Variants in ZZEF1 observed in about 807,000 individuals in gnomAD.
ZZEF1 encodes the protein zinc finger ZZ-type and EF-hand domain-containing protein 1.
ZZEF1 carries 157 observed loss-of-function variants against 342.8 expected under a neutral mutation model. That is an observed-to-expected ratio of 0.46 (90% CI 0.40 to 0.52). The LOEUF is 0.52. ZZEF1 is among the 20% of genes least tolerant of loss of function. The pLI, the probability that ZZEF1 is intolerant of heterozygous loss-of-function variation, is 0.00. For missense variants in ZZEF1, 3,480 were observed against 3,725.6 expected (o/e 0.93, Z 1.72); for synonymous variants, 1,505 against 1,429.1 (o/e 1.05, Z -1.20).
Position 4,142,932 on chromosome 17 carries a change from C to G in ZZEF1, c.-37G>C. 7.7e-7 allele frequency: 1 copy of G among 1,300,800 alleles called. No individual in the cohort carries two copies. Among genetic ancestry groups the G allele is most frequent in the East Asian group, 3.1e-5 (1 of 31,796 alleles). 80.6% of individuals were successfully genotyped at this position (1,300,800 alleles called of 1,614,324 possible). On this transcript the variant is annotated 5_prime_UTR_variant, in exon 1 of 55. Coordinates refer to ENST00000381638, the MANE Select transcript of ZZEF1 (RefSeq NM_015113.4). ...CTTGGGCGCCTGGCTCTGCAGCCGC[C>G]GCCGCCGCCTCCCCGCCTCGACCTG...
At chr17:4,079,165 G>C (rs766339038) in intron 18 of ZZEF1, among the ~76,000 whole-genome samples, 1 of 152,224 alleles carries the variant, frequency 6.6e-6, no homozygotes, top group Non-Finnish European at 1.5e-5. Context: ...CTAGCAGAAA[G>C]AGGACAAGGC....
chr17:4,059,750 T>C (rs533419186), intron 30 of ZZEF1, among the ~76,000 whole-genome samples: 104 of 152,318 alleles, frequency 6.8e-4, no homozygotes, highest in Non-Finnish European at 1.2e-3. Context: ...CATTCCTTTT[T>C]CCCTCAATTC....
intron 41 of ZZEF1, 99 bp downstream of exon 41, chr17:4,032,729 G>C: frequency 1.6e-6 from 2 of 1,275,094 alleles, no homozygotes; most frequent in Non-Finnish European, 1.1e-6. Context: ...AGCTTCCAAA[G>C]AGATCTATGC....
chr17:4,092,083 A>AAT (rs1422364865), intron 11 of ZZEF1, among the ~76,000 whole-genome samples: 2 of 41,354 alleles, frequency 4.8e-5, no homozygotes, highest in Non-Finnish European at 6.0e-5. Context: ...CCTCAAAAAA[A>AAT]AAAAAAATAA....
chr17:4,061,629 C>T (rs2057288603), intron 30 of ZZEF1, among the ~76,000 whole-genome samples: 1 of 152,168 alleles, frequency 6.6e-6, no homozygotes, highest in South Asian at 2.1e-4. Flanking sequence ...TCACCCCCAT[C>T]TGTTTCTTCC....
Position 4,109,821 on chromosome 17 carries a change from TCGCAGCCATCG to T in ZZEF1, c.1098_1108del (p.Ser366ArgfsTer3). On this transcript the variant is annotated frameshift_variant, in exon 6 of 55. Coordinates refer to ENST00000381638, the MANE Select transcript of ZZEF1 (RefSeq NM_015113.4). LOFTEE classifies it high-confidence loss of function. ...AGCCCTGAGACCATGAATTCTAGTG[TCGCAGCCATCG>T]CTAAGACAACGCTTTATGTTAATCT... 1 of 1,614,192 alleles carries T rather than the reference TCGCAGCCATCG, an allele frequency of 6.2e-7. No individual in the cohort carries two copies. The highest frequency in any genetic ancestry group is 1.3e-5 in the African/African-American group (1 of 75,044).
chr17:4,059,508 A>G (rs1198443187), intron 30 of ZZEF1, among the ~76,000 whole-genome samples: 2 of 152,192 alleles, frequency 1.3e-5, no homozygotes, highest in Non-Finnish European at 2.9e-5. Context: ...AGAAGCATGG[A>G]GATGAGATTA....
In ZZEF1 at chr17:4,062,875, G is replaced by A. The variant is rs2057314037; in HGVS notation, c.4761C>T (p.Ser1587=). The A allele has an allele frequency of 6.2e-7, 1 of 1,613,020 alleles. No homozygotes were observed. The highest frequency in any genetic ancestry group is 8.5e-7 in the Non-Finnish European group (1 of 1,179,730). The change falls in exon 30 of 55, where the codon AGC becomes AGT. Residue 1587 remains serine, a synonymous_variant. Coordinates refer to ENST00000381638, the MANE Select transcript of ZZEF1 (RefSeq NM_015113.4). ...VLSLRKAQAQ[S]ILEVLKITQH... is the part of the protein sequence containing the mutation. The stretch of plus-strand genomic sequence containing the variant: ...GAGTTATCTTCAGGACTTCCAGGAT[G>A]CTCTGGGCCTGGGCTTTCCTCAGGG...
intron 37 of ZZEF1, among the ~76,000 whole-genome samples, chr17:4,049,371 G>C (rs2145152504): frequency 6.6e-6 from 1 of 152,120 alleles, no homozygotes; most frequent in East Asian, 1.9e-4. Flanking sequence ...AATTAGCCAG[G>C]CATGGTAGCA....
At chr17:4,032,038 A>C in intron 42 of ZZEF1, 88 bp downstream of exon 42, 2 of 1,429,712 alleles carry the variant, frequency 1.4e-6, no homozygotes, top group Non-Finnish European at 1.9e-6. Flanking sequence ...ACGCAGGCCA[A>C]GAGCCAAGGT....
At chr17:4,134,690 C>T (rs1410750876) in intron 1 of ZZEF1, among the ~76,000 whole-genome samples, 2 of 151,852 alleles carry the variant, frequency 1.3e-5, no homozygotes, top group African/African-American at 2.4e-5. Flanking sequence ...TTTTTTAAGG[C>T]ATATGGTTAG....
At chr17:4,108,840 A>G (rs994266991) in intron 6 of ZZEF1, among the ~76,000 whole-genome samples, 1 of 152,264 alleles carries the variant, frequency 6.6e-6, no homozygotes, top group Admixed American at 6.5e-5. Flanking sequence ...TAACCTTCAG[A>G]GCAGCAGTGT....
intron 1 of ZZEF1, 136 bp downstream of exon 1, chr17:4,142,406 A>C: frequency 1.1e-6 from 1 of 934,804 alleles, no homozygotes; most frequent in Non-Finnish European, 1.6e-6. Context: ...GAAACGAAGC[A>C]AACGCCTGGT....
chr17:4,027,312 T>TTTTTTTTTA (rs2056432735), intron 42 of ZZEF1, among the ~76,000 whole-genome samples: 5 of 144,928 alleles, frequency 3.4e-5, no homozygotes, highest in East Asian at 2.0e-4. Flanking sequence ...TTTTTTTTTT[T>TTTTTTTTTA]GAGAGAAGTC....
intron 18 of ZZEF1, among the ~76,000 whole-genome samples, chr17:4,079,146 C>T (rs1027905804): frequency 2.0e-5 from 3 of 152,180 alleles, no homozygotes; most frequent in African/African-American, 7.2e-5. Context: ...TAAATCTGGC[C>T]TATCTTATCT....
chr17:4,123,440 T>C (rs923901839), intron 2 of ZZEF1, among the ~76,000 whole-genome samples: 4 of 151,370 alleles, frequency 2.6e-5, no homozygotes, highest in Non-Finnish European at 5.9e-5. Flanking sequence ...AACCACTAAG[T>C]GCTTACCACA....
intron 4 of ZZEF1, among the ~76,000 whole-genome samples, 181 bp downstream of exon 4, chr17:4,114,118 C>T (rs1030402176): frequency 8.5e-5 from 13 of 152,072 alleles, no homozygotes; most frequent in Non-Finnish European, 1.5e-4. Context: ...TTATTTCCTC[C>T]TTTAAAATAT....
At chr17:4,095,671 G>A (rs902009894) in intron 11 of ZZEF1, among the ~76,000 whole-genome samples, 160 bp downstream of exon 11, 2 of 152,182 alleles carry the variant, frequency 1.3e-5, no homozygotes, top group Admixed American at 6.5e-5. Flanking sequence ...TATGCTACTA[G>A]AAAGCAATGA....
Position 4,017,872 on chromosome 17 carries a change from T to C in ZZEF1, c.7605A>G (p.Lys2535=). 1 of 1,614,158 alleles carries C rather than the reference T, an allele frequency of 6.2e-7. No homozygotes were observed. Among genetic ancestry groups the C allele is most frequent in the South Asian group, 1.1e-5 (1 of 91,084 alleles). ...KSLRLEEQSA[K]AVDTDMIILP... is the part of the protein sequence containing the mutation. ...GGATAATCATGTCTGTATCCACAGC[T>C]TTGGCGCTCTGTTCTTCCAGCCTCA... Residue 2535 remains lysine (K), a synonymous_variant, in exon 47 of 55, where the codon AAA becomes AAG. Coordinates refer to ENST00000381638, the MANE Select transcript of ZZEF1 (RefSeq NM_015113.4). The surrounding 1 kb of genome is among the most constrained non-coding windows in gnomAD (Gnocchi z 5.1).
Sources: gnomAD v4.1 joint callset for allele counts (sites outside exome capture counted in the v4.1 genomes callset) on GRCh38, gnomAD v4.1.1 for gene constraint, Gnocchi (gnomAD v3.1) non-coding constraint, MANE v1.5 for transcripts, NCBI Gene and HGNC (gene_info 2026-07-23, HGNC 2026-07-21) for gene names.